Variants in PCID2 observed in about 807,000 individuals in gnomAD.
The protein encoded by PCID2 is PCI domain containing 2.
In PCID2, 41 loss-of-function variants were observed where a neutral mutation model predicts 61.3. The ratio of observed to expected loss-of-function variants is 0.67; its 90% CI spans 0.52 to 0.87. The LOEUF (loss-of-function observed/expected upper bound fraction) is 0.87, where lower values mean the gene tolerates loss of function less well. PCID2 is among the 40% of genes least tolerant of loss of function. PCID2 has a pLI of 0.00. For missense variants in PCID2, 392 were observed against 493.4 expected, an observed-to-expected ratio of 0.79 and a Z score of 1.95; for synonymous variants, 187 against 177.8, an observed-to-expected ratio of 1.05 and a Z score of -0.41.
At chr13:113,205,237 G>C (rs896142723) in intron 1 of PCID2, among the ~76,000 whole-genome samples, 3 of 152,144 alleles carry the variant, frequency 2.0e-5, no homozygotes, top group South Asian at 4.1e-4. Flanking sequence ...CACTACACCT[G>C]TAAAAAAGAG....
At chr13:113,197,360 G>C in intron 3 of PCID2, 117 bp from the exon 4 acceptor site, 1 of 721,588 alleles carries the variant, frequency 1.4e-6, no homozygotes, top group Non-Finnish European at 2.5e-6. Context: ...AGGAGTGAAG[G>C]AAGAAACACA....
chr13:113,171,515 C>A, the PCID2 span: 2 of 1,586,128 alleles, frequency 1.3e-6, no homozygotes, highest in East Asian at 4.5e-5. This position sits in a 1 kb window ranked among gnomAD's most constrained non-coding sequence, Gnocchi z 5.1. Context: ...CCTCACGTGG[C>A]TCCCTGAGAA....
intron 5 of PCID2, among the ~76,000 whole-genome samples, chr13:113,195,555 A>C (rs1243870869): frequency 1.3e-5 from 2 of 152,202 alleles, no homozygotes; most frequent in Non-Finnish European, 2.9e-5. Flanking sequence ...GACTGTTTTC[A>C]TGTGCAAGTT....
chr13:113,170,664 G>T, the PCID2 span: 1 of 666,980 alleles, frequency 1.5e-6, no homozygotes, highest in Non-Finnish European at 2.7e-6. Flanking sequence ...ATAAAACTGA[G>T]ATACTTATCA....
At chr13:113,206,830 A>G (rs1338825928) in intron 1 of PCID2, among the ~76,000 whole-genome samples, 1 of 152,210 alleles carries the variant, frequency 6.6e-6, no homozygotes, top group East Asian at 1.9e-4. Flanking sequence ...GCACATCTCC[A>G]TAGAAGTCCA....
Position 113,198,188 on chromosome 13 carries a change from T to C in PCID2, c.200+3A>G. ...GTGTTTTTCTTCCTCCCCAACAGAT[T>C]ACCTTAAATGAGCTGCAAACATTTC... is the stretch of plus-strand genomic sequence containing the variant. On this transcript the variant is annotated splice_donor_region_variant and intron_variant, in intron 3 of 13. Transcript: ENST00000337344. 1 of 1,591,026 alleles carries C rather than the reference T, an allele frequency of 6.3e-7. No homozygotes were observed. The highest frequency in any genetic ancestry group is 8.6e-7 in the Non-Finnish European group (1 of 1,167,094).
At chr13:113,167,821 TC>T in the PCID2 span, among the ~76,000 whole-genome samples, 10 of 151,556 alleles carry the variant, frequency 6.6e-5, no homozygotes, top group Non-Finnish European at 1.3e-4. Flanking sequence ...AAAGCTATCA[TC>T]TTGCTATCTT....
intron 1 of PCID2, chr13:113,208,249 C>A (rs1028265921): frequency 1.2e-5 from 17 of 1,442,632 alleles, no homozygotes; most frequent in Middle Eastern, 5.1e-4. Flanking sequence ...CCGCCCACAG[C>A]GGGCCCTCGG....
chr13:113,185,342 A>G (rs2038013158), intron 8 of PCID2, 143 bp downstream of exon 8: 4 of 643,690 alleles, frequency 6.2e-6, no homozygotes, highest in South Asian at 1.9e-5. Context: ...GCATTCAACA[A>G]ATGTTTGCTA....
chr13:113,208,100 G>A (rs1187674071), intron 1 of PCID2: 1 of 1,612,002 alleles, frequency 6.2e-7, no homozygotes, highest in Non-Finnish European at 8.5e-7. Context: ...AGTGAAGGGC[G>A]TTAAACGACA....
chr13:113,200,123 G>A (rs992182433), intron 2 of PCID2, among the ~76,000 whole-genome samples: 3 of 152,122 alleles, frequency 2.0e-5, no homozygotes, highest in African/African-American at 4.8e-5. Flanking sequence ...ATGGGGCTTT[G>A]GGGACGCACA....
chr13:113,171,462 C>T, the PCID2 span: 14 of 1,092,986 alleles, frequency 1.3e-5, no homozygotes, highest in East Asian at 7.6e-5. The surrounding 1 kb of genome is among the most constrained non-coding windows in gnomAD (Gnocchi z 5.1). Context: ...GTCCACACCA[C>T]GGGGCGGTGA....
Position 113,178,953 on chromosome 13 carries a change from A to G in PCID2, c.1110+13T>C. 2 of 1,607,304 alleles carry G rather than the reference A, an allele frequency of 1.2e-6. No individual in the cohort carries two copies. Among genetic ancestry groups the G allele is most frequent in the African/African-American group, 1.3e-5 (1 of 74,814 alleles). On this transcript the variant is annotated intron_variant, in intron 13 of 13. Transcript: ENST00000337344. ...GTGAGTAGCTGCTTAAATTAAAACC[A>G]GGACTCACACACCATGTATATCAAG...
In PCID2 at chr13:113,178,319, A is replaced by C. The variant is rs139217665; in HGVS notation, c.1111-32T>G. 202 of 1,540,204 alleles carry C rather than the reference A, an allele frequency of 1.3e-4. No individual in the cohort carries two copies. The African/African-American group carries it at 2.4e-3, about 19-fold the overall frequency. ...GGCAGAAAGGGAGGAATGCGTTTAC[A>C]TTTTTGGATCTGAGTCATGTCAAAG... On this transcript the variant is annotated intron_variant, in intron 13 of 13. Coordinates refer to ENST00000337344, the MANE Select transcript of PCID2 (RefSeq NM_001127202.4).
chr13:113,183,759 A>G (rs2037853068), intron 9 of PCID2: 13 of 984,752 alleles, frequency 1.3e-5, no homozygotes, highest in South Asian at 4.7e-5. Context: ...CAAAAAGAAG[A>G]CTAGTTTCCT....
chr13:113,181,454 C>T (rs1223205525), intron 9 of PCID2, among the ~76,000 whole-genome samples: 1 of 152,210 alleles, frequency 6.6e-6, no homozygotes, highest in Non-Finnish European at 1.5e-5. Context: ...TCCTACTTAA[C>T]AGAGGAAAAC....
At chr13:113,173,691 A>G (rs1034250778), downstream of PCID2, among the ~76,000 whole-genome samples, 12 of 152,230 alleles carry the variant, frequency 7.9e-5, no homozygotes, top group Non-Finnish European at 1.6e-4. Flanking sequence ...TTTAAGGCAA[A>G]TTAATGGGGA....
the PCID2 span, among the ~76,000 whole-genome samples, chr13:113,165,883 A>G: frequency 6.6e-6 from 1 of 152,318 alleles, no homozygotes; most frequent in South Asian, 2.1e-4. Flanking sequence ...ATAAACATCC[A>G]TATTTAGCAC....
chr13:113,208,620 G>A lies in PCID2; in HGVS notation c.15C>T (p.Thr5=), dbSNP rs754714207. Residue 5 remains threonine, a synonymous_variant, in exon 1 of 14, where the codon ACC becomes ACT. Coordinates refer to ENST00000337344, the MANE Select transcript of PCID2 (RefSeq NM_001127202.4). Reference sequence around the variant, plus strand: ...CCACCTGCTGCAGGTACTGGTTAATGGTAATGTGCGCCATGGGAGCGCCGC... The same window carrying A: ...CCACCTGCTGCAGGTACTGGTTAATAGTAATGTGCGCCATGGGAGCGCCGC... MAHI[T]INQYLQQVYE... 3.1e-6 allele frequency: 5 copies of A among 1,607,926 alleles called. No homozygotes were observed. In the East Asian group the frequency reaches 6.7e-5, roughly 22 times the overall value.
Sources: allele counts gnomAD v4.1 joint callset (sites outside exome capture counted in the v4.1 genomes callset), GRCh38; gene constraint gnomAD v4.1.1; non-coding constraint Gnocchi (gnomAD v3.1); transcripts MANE v1.5; gene names NCBI Gene and HGNC (gene_info 2026-07-23, HGNC 2026-07-21).